The following ALX4 variants were observed in gnomAD, a reference collection of about 807,000 sequenced individuals.
ALX4 encodes homeobox protein aristaless-like 4.
Under a neutral mutation model 40.6 loss-of-function variants are expected in ALX4, and 22 were observed. The ratio of observed to expected loss-of-function variants is 0.54; its 90% CI spans 0.39 to 0.77. ALX4 has a LOEUF of 0.77. Among genes scored for constraint, ALX4 ranks in the 30% least tolerant of loss-of-function variants. The pLI, the probability that ALX4 is intolerant of heterozygous loss-of-function variation, is 0.00. For synonymous variants in ALX4, 266 were observed against 240.5 expected, an observed-to-expected ratio of 1.11 and a Z score of -0.98; for missense variants, 556 against 564.8, an observed-to-expected ratio of 0.98 and a Z score of 0.16.
intron 1 of ALX4, among the ~76,000 whole-genome samples, chr11:44,290,864 G>A (rs953217667): frequency 2.6e-5 from 4 of 152,122 alleles, no homozygotes; most frequent in East Asian, 3.9e-4. Flanking sequence ...AGTGCAAGAC[G>A]GCATATCCCC....
At chr11:44,299,621 A>G (rs1040743173) in intron 1 of ALX4, among the ~76,000 whole-genome samples, 4 of 152,036 alleles carry the variant, frequency 2.6e-5, no homozygotes, top group Admixed American at 2.6e-4. Flanking sequence ...AGGCCTCCCA[A>G]AATGCTGGGA....
In ALX4 at chr11:44,273,326, T is replaced by A. The variant is rs572235373; in HGVS notation, c.777+2022A>T. Among the ~76,000 whole-genome samples, 9 of 152,352 alleles carry A rather than the reference T, an allele frequency of 5.9e-5. No individual in the cohort carries two copies. The East Asian group carries it at 1.7e-3, about 29-fold the overall frequency. Reference sequence around the variant, plus strand: ...CATGCTTTGGGTTGGAAAAGCGGACTGATTATGACATTTATTTTGTGTTAA... The same window carrying A: ...CATGCTTTGGGTTGGAAAAGCGGACAGATTATGACATTTATTTTGTGTTAA... On this transcript the variant is annotated intron_variant, in intron 2 of 3. Transcript: ENST00000652299.
chr11:44,302,096 G>T (rs565595093), intron 1 of ALX4, among the ~76,000 whole-genome samples: 3 of 152,166 alleles, frequency 2.0e-5, no homozygotes, highest in Non-Finnish European at 4.4e-5. Context: ...ATGCAAGGGC[G>T]CTTAGTCATT....
chr11:44,279,924 T>A, intron 1 of ALX4, among the ~76,000 whole-genome samples: 1 of 152,238 alleles, frequency 6.6e-6, no homozygotes, highest in Non-Finnish European at 1.5e-5. Flanking sequence ...TGCTGAGGAA[T>A]AAATGAACAA....
At chr11:44,276,118 G>C (rs1956276586) in intron 1 of ALX4, among the ~76,000 whole-genome samples, 1 of 152,156 alleles carries the variant, frequency 6.6e-6, no homozygotes, top group Admixed American at 6.5e-5. Context: ...GGGTGAGGAG[G>C]ACCCAGGATT....
At chr11:44,281,584 G>A (rs556892613) in intron 1 of ALX4, among the ~76,000 whole-genome samples, 9 of 152,148 alleles carry the variant, frequency 5.9e-5, no homozygotes, top group East Asian at 3.9e-4. Flanking sequence ...TGCACACACC[G>A]ATGTAATCTC....
intron 1 of ALX4, among the ~76,000 whole-genome samples, chr11:44,305,929 G>A (rs1171492542): frequency 6.6e-6 from 1 of 152,380 alleles, no homozygotes; most frequent in Non-Finnish European, 1.5e-5. Context: ...AGTACGCGCC[G>A]GCTGCAGCTC....
chr11:44,275,252 T>G, intron 2 of ALX4, 96 bp downstream of exon 2: 1 of 1,259,450 alleles, frequency 7.9e-7, no homozygotes, highest in Non-Finnish European at 1.2e-6. Context: ...AAAGCCATGG[T>G]GTGGTTGGTG....
intron 1 of ALX4, among the ~76,000 whole-genome samples, chr11:44,302,888 A>G (rs1956442971): frequency 6.6e-6 from 1 of 152,194 alleles, no homozygotes; most frequent in Non-Finnish European, 1.5e-5. Context: ...AGGTGGGCCC[A>G]GACTGCTACC....
chr11:44,277,996 C>T (rs1209611752), intron 1 of ALX4, among the ~76,000 whole-genome samples: 2 of 150,160 alleles, frequency 1.3e-5, no homozygotes, highest in African/African-American at 4.9e-5. Context: ...CAGACAAATA[C>T]ATTTTATGTT....
intron 1 of ALX4, among the ~76,000 whole-genome samples, chr11:44,292,123 T>C (rs1055237214): frequency 6.6e-6 from 1 of 152,052 alleles, no homozygotes; most frequent in Non-Finnish European, 1.5e-5. Context: ...GGCCCAAATA[T>C]ACTCATTCCA....
intron 1 of ALX4, among the ~76,000 whole-genome samples, chr11:44,289,126 G>A (rs964830066): frequency 6.6e-6 from 1 of 152,220 alleles, no homozygotes; most frequent in Non-Finnish European, 1.5e-5. Context: ...ACACGGCAGG[G>A]CCCACAGAAA....
intron 2 of ALX4, among the ~76,000 whole-genome samples, chr11:44,271,344 G>A (rs148732347): frequency 2.0e-5 from 3 of 152,364 alleles, no homozygotes; most frequent in African/African-American, 4.8e-5. Flanking sequence ...CAGTCGCAGT[G>A]CTGCTACTGA....
chr11:44,304,238 C>A (rs1376221163), intron 1 of ALX4, among the ~76,000 whole-genome samples: 1 of 152,226 alleles, frequency 6.6e-6, no homozygotes, highest in African/African-American at 2.4e-5. Flanking sequence ...CCCTGCGCTG[C>A]GGGCGCACAT....
At chr11:44,265,523 G>T (rs1047545015) in intron 3 of ALX4, among the ~76,000 whole-genome samples, 7 of 152,122 alleles carry the variant, frequency 4.6e-5, no homozygotes, top group African/African-American at 1.2e-4. Context: ...ATCTGCGGAT[G>T]GCAGCTGTGT....
At chr11:44,286,213 C>A (rs1189609327) in intron 1 of ALX4, among the ~76,000 whole-genome samples, 3 of 152,176 alleles carry the variant, frequency 2.0e-5, no homozygotes, top group Non-Finnish European at 4.4e-5. Flanking sequence ...AGGAAACCAG[C>A]CACAGCGCAG....
At chr11:44,290,555 G>A (rs542486013) in intron 1 of ALX4, among the ~76,000 whole-genome samples, 2 of 152,338 alleles carry the variant, frequency 1.3e-5, no homozygotes, top group East Asian at 1.9e-4. Context: ...GCCTTGGGGC[G>A]ACTCCAGATC....
At chr11:44,272,055 G>C (rs2135311104) in intron 2 of ALX4, among the ~76,000 whole-genome samples, 1 of 152,340 alleles carries the variant, frequency 6.6e-6, no homozygotes, top group Middle Eastern at 3.4e-3. Context: ...CTAGATGCTA[G>C]GATTCCTGTC....
chr11:44,278,794 TCA>T (rs1390334311), intron 1 of ALX4, among the ~76,000 whole-genome samples: 5 of 152,186 alleles, frequency 3.3e-5, no homozygotes, highest in African/African-American at 1.2e-4. Flanking sequence ...CCTCCCTTGC[TCA>T]CCAGCAGCCA....
Sources: allele counts gnomAD v4.1 joint callset (sites outside exome capture counted in the v4.1 genomes callset), GRCh38; gene constraint gnomAD v4.1.1; transcripts MANE v1.5; gene names NCBI Gene and HGNC (gene_info 2026-07-23, HGNC 2026-07-21).